SLC9A9: variants seen among roughly 807,000 people sequenced by gnomAD.
SLC9A9 encodes solute carrier family 9 member A9.
A neutral mutation model predicts 77.8 loss-of-function variants in SLC9A9; 62 were observed. The ratio of observed to expected loss-of-function variants is 0.80; its 90% CI spans 0.65 to 0.98. The LOEUF (loss-of-function observed/expected upper bound fraction) is 0.98, where lower values mean the gene tolerates loss of function less well. Among genes scored for constraint, SLC9A9 ranks in the 50% least tolerant of loss-of-function variants. SLC9A9 has a pLI of 0.00. For synonymous variants in SLC9A9, 320 were observed against 283.5 expected, an observed-to-expected ratio of 1.13 and a Z score of -1.29; for missense variants, 775 against 774.9, an observed-to-expected ratio of 1.00 and a Z score of 0.00.
intron 6 of SLC9A9, among the ~76,000 whole-genome samples, chr3:143,602,985 A>T (rs2037867441): frequency 6.6e-6 from 1 of 152,264 alleles, no homozygotes; most frequent in Non-Finnish European, 1.5e-5. Context: ...AGAAATCTGC[A>T]GCCTCAAGCT....
rs756354365 is a variant in SLC9A9 at position 143,266,754 on chromosome 3, C to T, written c.1886G>A (p.Gly629Glu). 5.0e-6 allele frequency: 8 copies of T among 1,614,066 alleles called. No individual in the cohort carries two copies. In the South Asian group the frequency reaches 5.5e-5, roughly 11 times the overall value. The change falls in exon 16 of 16, where the codon GGA (glycine) becomes GAA (glutamate). Residue 629 changes from glycine (G) to glutamate (E), a missense_variant. Coordinates refer to ENST00000316549, the MANE Select transcript of SLC9A9 (RefSeq NM_173653.4). The part of the protein sequence containing the change: ...ENIYEGDLGL[G>E]GYELKLEQTL... ...TTGCTCAAGCTTGAGTTCATAGCCT[C>T]CCAGGCCGAGGTCTCCCTCATAAAT... is the stretch of plus-strand genomic sequence containing the variant.
At chr3:143,714,939 C>T (rs114652792) in intron 4 of SLC9A9, among the ~76,000 whole-genome samples, 5,227 of 152,200 alleles carry the variant, frequency 0.034, 293 homozygotes, top group African/African-American at 0.12. Context: ...CTTTCCTATG[C>T]GGTTCTCATG....
At chr3:143,532,300 C>G (rs1182650816) in intron 9 of SLC9A9, among the ~76,000 whole-genome samples, 1 of 152,130 alleles carries the variant, frequency 6.6e-6, no homozygotes, top group Admixed American at 6.5e-5. Context: ...TACCACTGAA[C>G]CTGGTGTAGA....
intron 14 of SLC9A9, among the ~76,000 whole-genome samples, chr3:143,281,011 G>A (rs1352411239): frequency 6.6e-6 from 1 of 152,150 alleles, no homozygotes; most frequent in African/African-American, 2.4e-5. Context: ...GCTAGTATCT[G>A]CCAATATCCA....
At chr3:143,485,364 C>A (rs1419282786) in intron 11 of SLC9A9, among the ~76,000 whole-genome samples, 1 of 152,168 alleles carries the variant, frequency 6.6e-6, no homozygotes, top group Non-Finnish European at 1.5e-5. Flanking sequence ...TTTTCACCTT[C>A]GATTTTCTTT....
intron 2 of SLC9A9, among the ~76,000 whole-genome samples, chr3:143,813,031 T>C (rs1375883324): frequency 1.3e-5 from 2 of 152,042 alleles, no homozygotes; most frequent in African/African-American, 2.4e-5. Context: ...AGGGGAGAAC[T>C]TGGTGGCAGG....
intron 6 of SLC9A9, among the ~76,000 whole-genome samples, chr3:143,580,365 C>T (rs2037432177): frequency 6.6e-6 from 1 of 152,144 alleles, no homozygotes; most frequent in East Asian, 1.9e-4. Context: ...CTGTGGTTGC[C>T]ACTAGTAGAT....
chr3:143,662,000 G>C (rs1460727820), intron 5 of SLC9A9, among the ~76,000 whole-genome samples: 1 of 152,152 alleles, frequency 6.6e-6, no homozygotes, highest in Admixed American at 6.5e-5. Context: ...ACAATCTCAA[G>C]GAGTGGAACC....
At chr3:143,702,258 AAC>A (rs768929149) in intron 4 of SLC9A9, among the ~76,000 whole-genome samples, 2 of 152,174 alleles carry the variant, frequency 1.3e-5, no homozygotes, top group Non-Finnish European at 2.9e-5. Context: ...TACACAGAAA[AAC>A]ACAGACTATT....
At chr3:143,752,861 G>A (rs1231941002) in intron 4 of SLC9A9, among the ~76,000 whole-genome samples, 1 of 152,108 alleles carries the variant, frequency 6.6e-6, no homozygotes, top group Non-Finnish European at 1.5e-5. Context: ...GCTCCTTAGA[G>A]ACATATTGTT....
chr3:143,376,147 G>T lies in SLC9A9; in HGVS notation c.1524+5913C>A, dbSNP rs114872133. On this transcript the variant is annotated intron_variant, in intron 13 of 15. Coordinates refer to ENST00000316549, the MANE Select transcript of SLC9A9 (RefSeq NM_173653.4). The stretch of plus-strand genomic sequence containing the variant: ...CCTAGACAACGGGCCCATACTCACA[G>T]CTTACTGGGTTTGGGTGAAGGGAAC... Among the ~76,000 whole-genome samples, 937 of 152,268 alleles carry T rather than the reference G, an allele frequency of 6.2e-3. 9 individuals are homozygous for T. Among genetic ancestry groups the T allele is most frequent in the African/African-American group, 0.021 (889 of 41,536 alleles).
intron 4 of SLC9A9, among the ~76,000 whole-genome samples, chr3:143,782,985 T>A (rs1265009143): frequency 6.6e-6 from 1 of 152,150 alleles, no homozygotes; most frequent in Non-Finnish European, 1.5e-5. Flanking sequence ...GTTCCATCAT[T>A]CAAACCGCTC....
intron 9 of SLC9A9, among the ~76,000 whole-genome samples, chr3:143,507,048 C>T (rs948630797): frequency 1.3e-5 from 2 of 150,974 alleles, no homozygotes; most frequent in Non-Finnish European, 3.0e-5. Context: ...AGATTGCTGA[C>T]CTCCTTCCTT....
intron 2 of SLC9A9, among the ~76,000 whole-genome samples, chr3:143,809,996 G>C (rs1217079871): frequency 6.6e-6 from 1 of 152,204 alleles, no homozygotes; most frequent in African/African-American, 2.4e-5. Context: ...TGGAGCAACA[G>C]ACCTCCAACT....
At chr3:143,825,978 A>T (rs1435163505) in intron 2 of SLC9A9, among the ~76,000 whole-genome samples, 1 of 152,144 alleles carries the variant, frequency 6.6e-6, no homozygotes, top group Non-Finnish European at 1.5e-5. Context: ...CACATTTGTG[A>T]CCAGGCACTG....
At position 143,467,087 on chromosome 3, in the gene SLC9A9, G is replaced by C; in HGVS notation, c.1419C>G (p.Val473=). The C allele has an allele frequency of 1.2e-6, 2 of 1,614,100 alleles. No individual in the cohort carries two copies. The highest frequency in any genetic ancestry group is 1.7e-6 in the Non-Finnish European group (2 of 1,179,996). ...GGGTTGTTCCTCCTCCAAATACCCA[G>C]ACAGTGAAGAACACGAGGAGCAGCG... ...TTTLLLVFFT[V]WVFGGGTTPM... Residue 473 remains valine (V), a synonymous_variant, in exon 12 of 16, where the codon GTC becomes GTG. Transcript: ENST00000316549.
chr3:143,619,021 A>G (rs1448983568), intron 6 of SLC9A9, among the ~76,000 whole-genome samples: 1 of 152,166 alleles, frequency 6.6e-6, no homozygotes, highest in Non-Finnish European at 1.5e-5. Flanking sequence ...AGTGAAAATA[A>G]TTTTACAGAA....
intron 6 of SLC9A9, among the ~76,000 whole-genome samples, chr3:143,611,879 A>C (rs927570734): frequency 2.6e-5 from 4 of 152,170 alleles, no homozygotes; most frequent in African/African-American, 7.2e-5. Flanking sequence ...GACTACAGGA[A>C]CACACCACCA....
Position 143,495,423 on chromosome 3 carries a change from G to T in SLC9A9, c.1115C>A (p.Ala372Glu). 1 of 1,613,812 alleles carries T rather than the reference G, an allele frequency of 6.2e-7. No individual in the cohort carries two copies. Among genetic ancestry groups the T allele is most frequent in the Non-Finnish European group, 8.5e-7 (1 of 1,179,784 alleles). ...KQLFEFMNFL[A>E]ENVIFCYMGL... ...CATGTAACAGAAGATGACGTTCTCCGCCAAAAAGTTCATAAATTCAAACAA... is the reference window on the plus strand; with the variant it reads ...CATGTAACAGAAGATGACGTTCTCCTCCAAAAAGTTCATAAATTCAAACAA... Residue 372 changes from alanine (A) to glutamate (E), a missense_variant, in exon 10 of 16, where the codon GCG becomes GAG. Ala to Glu is a moderately radical substitution (Grantham distance 107). Coordinates refer to ENST00000316549, the MANE Select transcript of SLC9A9 (RefSeq NM_173653.4).
Sources: allele counts gnomAD v4.1 joint callset (sites outside exome capture counted in the v4.1 genomes callset), GRCh38; gene constraint gnomAD v4.1.1; transcripts MANE v1.5; gene names NCBI Gene and HGNC (gene_info 2026-07-23, HGNC 2026-07-21).